The following SPATA13 variants were observed in gnomAD, a reference collection of about 807,000 sequenced individuals.
SPATA13 encodes the protein spermatogenesis associated 13.
SPATA13 carries 50 observed loss-of-function variants against 104.0 expected under a neutral mutation model. That is an observed-to-expected ratio of 0.48 (90% CI 0.38 to 0.61). The LOEUF is 0.61. Ranked by LOEUF, SPATA13 falls within the 20% of genes least tolerant of loss-of-function variation. SPATA13 has a pLI of 0.00. For missense variants in SPATA13, 1,524 were observed against 1,690.6 expected, an observed-to-expected ratio of 0.90 and a Z score of 1.73; for synonymous variants, 606 against 667.5, an observed-to-expected ratio of 0.91 and a Z score of 1.42.
At chr13:24,267,130 G>T (rs1040003147) in intron 4 of SPATA13, among the ~76,000 whole-genome samples, 3 of 152,016 alleles carry the variant, frequency 2.0e-5, no homozygotes, top group African/African-American at 7.2e-5. Flanking sequence ...AACTATCTTA[G>T]AAGGGTGGCT....
Position 24,278,587 on chromosome 13 carries a change from A to C in SPATA13, c.2165-5548A>C, listed in dbSNP as rs1320205601. 7 of 1,398,152 alleles carry C rather than the reference A, an allele frequency of 5.0e-6. No homozygotes were observed. The African/African-American group carries it at 1.1e-4, about 21-fold the overall frequency. The allele number at this position is 1,398,152 out of a possible 1,614,324, so 86.6% of individuals were successfully genotyped here. ...GCTACCACGCCCAGCCACATCTTGCAATTCTATACTGTTTTTCAATTTACA... is the reference window on the plus strand; with the variant it reads ...GCTACCACGCCCAGCCACATCTTGCCATTCTATACTGTTTTTCAATTTACA... On this transcript the variant is annotated intron_variant, in intron 4 of 12. Transcript: ENST00000382108.
intron 1 of SPATA13, among the ~76,000 whole-genome samples, chr13:24,167,035 G>A (rs1593374701): frequency 1.3e-5 from 2 of 152,302 alleles, no homozygotes; most frequent in African/African-American, 2.4e-5. Flanking sequence ...AAATACATTG[G>A]TGCCTACTCT....
chr13:24,087,123 T>A (rs1272161958), intron 3 of SPATA13, among the ~76,000 whole-genome samples: 7 of 152,098 alleles, frequency 4.6e-5, no homozygotes, highest in Non-Finnish European at 1.0e-4. Flanking sequence ...AGGCTTTCTC[T>A]CCAGCCTCAT....
At chr13:24,111,085 A>G (rs1204400819) in intron 3 of SPATA13, among the ~76,000 whole-genome samples, 1 of 151,396 alleles carries the variant, frequency 6.6e-6, no homozygotes, top group African/African-American at 2.4e-5. Flanking sequence ...TTTTTTTTGT[A>G]TTCTTCTAGA....
At chr13:24,117,619 G>T (rs903006642) in intron 3 of SPATA13, among the ~76,000 whole-genome samples, 2 of 152,032 alleles carry the variant, frequency 1.3e-5, no homozygotes, top group East Asian at 1.9e-4. Context: ...GAGCTTTCTT[G>T]TCCCAAAAGG....
At chr13:24,297,249 A>G in intron 10 of SPATA13, 114 bp from the exon 11 acceptor site, 1 of 1,282,024 alleles carries the variant, frequency 7.8e-7, no homozygotes, top group Non-Finnish European at 1.1e-6. Flanking sequence ...TGTGTTGCCC[A>G]GGCTGGTCTC....
intron 1 of SPATA13, among the ~76,000 whole-genome samples, chr13:24,189,487 A>C (rs1288757571): frequency 0.015 from 656 of 45,176 alleles, 9 homozygotes; most frequent in East Asian, 0.087. Context: ...CTCTCTCTAT[A>C]TATATACGTG....
intron 2 of SPATA13, among the ~76,000 whole-genome samples, chr13:23,994,990 A>T (rs1410719362): frequency 6.6e-6 from 1 of 152,138 alleles, no homozygotes; most frequent in African/African-American, 2.4e-5. Context: ...GTGTCTGGAG[A>T]TGGTTTTGAG....
At chr13:24,301,690 G>T (rs1877194472) in intron 12 of SPATA13, among the ~76,000 whole-genome samples, 2 of 152,200 alleles carry the variant, frequency 1.3e-5, no homozygotes, top group African/African-American at 4.8e-5. Context: ...GCAGGGACGG[G>T]TTCTGAGCCA....
intron 1 of SPATA13, among the ~76,000 whole-genome samples, chr13:24,166,729 C>G (rs1593374394): frequency 6.6e-6 from 1 of 152,116 alleles, no homozygotes; most frequent in African/African-American, 2.4e-5. Context: ...TATTTGAAAG[C>G]CACTGTTTTA....
chr13:24,019,132 A>G lies in SPATA13; in HGVS notation c.-112+1431A>G, dbSNP rs1028998947. Among the ~76,000 whole-genome samples the G allele has an allele frequency of 8.9e-5, 13 of 146,522 alleles. No homozygotes were observed. The East Asian group carries it at 1.8e-3, about 20-fold the overall frequency. On this transcript the variant is annotated intron_variant, in intron 3 of 14. Coordinates refer to the SPATA13 transcript ENST00000424834. ...GAGACGGAGTCTCGCTCTGTCGCCCAGGCTGGAGTGCAGTGGCGGGATCTC... is the reference window on the plus strand; with the variant it reads ...GAGACGGAGTCTCGCTCTGTCGCCCGGGCTGGAGTGCAGTGGCGGGATCTC...
chr13:24,280,297 C>T (rs1312777063), intron 4 of SPATA13, among the ~76,000 whole-genome samples: 1 of 152,168 alleles, frequency 6.6e-6, no homozygotes, highest in Non-Finnish European at 1.5e-5. Context: ...TCAATAGACT[C>T]CTGTTAATTG....
At chr13:24,091,579 G>A (rs1390454605) in intron 3 of SPATA13, among the ~76,000 whole-genome samples, 1 of 152,242 alleles carries the variant, frequency 6.6e-6, no homozygotes, top group South Asian at 2.1e-4. Flanking sequence ...GGAGGCCAAG[G>A]CAGGTGGATC....
chr13:24,270,728 A>C, intron 4 of SPATA13: 1 of 1,544,290 alleles, frequency 6.5e-7, no homozygotes, highest in Non-Finnish European at 8.7e-7. Flanking sequence ...TACAACGTCA[A>C]AGCAGTGAAT....
chr13:24,175,074 T>C (rs1259769962), intron 1 of SPATA13, among the ~76,000 whole-genome samples: 1 of 152,192 alleles, frequency 6.6e-6, no homozygotes, highest in Non-Finnish European at 1.5e-5. Flanking sequence ...CCCGGGGTAT[T>C]GGTCCATCTT....
At chr13:24,165,397 A>G (rs1175231225) in intron 1 of SPATA13, among the ~76,000 whole-genome samples, 2 of 152,048 alleles carry the variant, frequency 1.3e-5, no homozygotes, top group Non-Finnish European at 2.9e-5. Flanking sequence ...CTCCACCCCC[A>G]TTCATACCAG....
intron 3 of SPATA13, among the ~76,000 whole-genome samples, chr13:24,146,273 G>C (rs576029735): frequency 6.6e-6 from 1 of 152,208 alleles, no homozygotes; most frequent in African/African-American, 2.4e-5. Context: ...TTAAATCGGG[G>C]CACTCCAGCT....
At chr13:23,986,422 C>T (rs1875152310) in intron 2 of SPATA13, among the ~76,000 whole-genome samples, 1 of 152,146 alleles carries the variant, frequency 6.6e-6, no homozygotes, top group Non-Finnish European at 1.5e-5. Context: ...GTGTTATCTG[C>T]AGGAAGAGGG....
At chr13:24,278,342 A>G (rs117280090) in intron 4 of SPATA13, among the ~76,000 whole-genome samples, 486 of 152,292 alleles carry the variant, frequency 3.2e-3, no homozygotes, top group Non-Finnish European at 5.8e-3. Flanking sequence ...CCCATGTAGC[A>G]TTGTCATGAG....
Sources: allele counts gnomAD v4.1 joint callset (sites outside exome capture counted in the v4.1 genomes callset), GRCh38; gene constraint gnomAD v4.1.1; transcripts MANE v1.5; gene names NCBI Gene and HGNC (gene_info 2026-07-23, HGNC 2026-07-21).